TRIOBP: variants seen among roughly 807,000 people sequenced by gnomAD.
TRIOBP encodes TRIO and F-actin-binding protein.
TRIOBP carries 169 observed loss-of-function variants against 238.8 expected under a neutral mutation model. That is an observed-to-expected ratio of 0.71 (90% CI 0.62 to 0.80). The LOEUF is 0.80. Among genes scored for constraint, TRIOBP ranks in the 30% least tolerant of loss-of-function variants. The pLI is 0.00. For synonymous variants in TRIOBP, 1,150 were observed against 1,274.4 expected (o/e 0.90, Z 2.08); for missense variants, 2,838 against 3,122.6 (o/e 0.91, Z 2.17).
Position 37,769,016 on chromosome 22 carries a change from C to T in TRIOBP, c.6576-12C>T, listed in dbSNP as rs1926632515. 1.2e-6 allele frequency: 2 copies of T among 1,613,094 alleles called. No homozygotes were observed. The highest frequency in any genetic ancestry group is 2.2e-5 in the South Asian group (2 of 91,024). On this transcript the variant is annotated splice_polypyrimidine_tract_variant and intron_variant, in intron 19 of 23. Coordinates refer to ENST00000644935, the MANE Select transcript of TRIOBP (RefSeq NM_001039141.3). ...ACAACCTATGCTCTCCTCTGCTCCT[C>T]CTCTGGGGCAGGTCAGATGTGGAGG...
At chr22:37,698,865 G>A (rs879447598) in intron 2 of TRIOBP, among the ~76,000 whole-genome samples, 3 of 151,728 alleles carry the variant, frequency 2.0e-5, no homozygotes, top group Non-Finnish European at 4.4e-5. Flanking sequence ...AAGACATTAG[G>A]GGCCGGATGC....
chr22:37,717,363 G>A (rs982269704), intron 6 of TRIOBP, among the ~76,000 whole-genome samples: 3 of 152,220 alleles, frequency 2.0e-5, no homozygotes, highest in Non-Finnish European at 2.9e-5. Context: ...CAGCATGGAA[G>A]AGGACCCGAG....
intron 11 of TRIOBP, among the ~76,000 whole-genome samples, chr22:37,744,509 G>C (rs1212852620): frequency 2.0e-5 from 3 of 152,202 alleles, no homozygotes; most frequent in Admixed American, 2.0e-4. Context: ...ACTTTGAGCA[G>C]GGAAGTGGTC....
At chr22:37,715,739 CT>C in intron 5 of TRIOBP, 23 bp from the exon 6 acceptor site, 4 of 1,612,696 alleles carry the variant, frequency 2.5e-6, no homozygotes, top group Non-Finnish European at 3.4e-6. Flanking sequence ...CGCAAACATA[CT>C]TTCTCCTCCC....
intron 6 of TRIOBP, among the ~76,000 whole-genome samples, chr22:37,722,368 C>T (rs1052315228): frequency 4.1e-5 from 6 of 145,484 alleles, no homozygotes; most frequent in Admixed American, 7.1e-5. Flanking sequence ...GCTTAGGTTG[C>T]GGTGAGCCGA....
intron 8 of TRIOBP, among the ~76,000 whole-genome samples, chr22:37,733,944 G>T (rs1311962987): frequency 6.6e-6 from 1 of 152,232 alleles, no homozygotes; most frequent in African/African-American, 2.4e-5. Flanking sequence ...TGGGATTACA[G>T]GCGTGAACCA....
intron 2 of TRIOBP, among the ~76,000 whole-genome samples, chr22:37,698,761 G>T (rs1409738718): frequency 6.6e-6 from 1 of 152,026 alleles, no homozygotes; most frequent in African/African-American, 2.4e-5. Context: ...AGAATCATTT[G>T]AGCCCGGGAG....
intron 3 of TRIOBP, among the ~76,000 whole-genome samples, chr22:37,706,107 G>A (rs1212652422): frequency 6.6e-6 from 1 of 152,130 alleles, no homozygotes; most frequent in African/African-American, 2.4e-5. Flanking sequence ...AGGATTTGGG[G>A]GTGAGGGAGG....
rs764745163 is a variant in TRIOBP at position 37,771,715 on chromosome 22, C to T, written c.6915C>T (p.Asp2305=). 21 of 1,614,006 alleles carry T rather than the reference C, an allele frequency of 1.3e-5. No individual in the cohort carries two copies. The African/African-American group carries it at 2.4e-4, about 18-fold the overall frequency. The change falls in exon 22 of 24, where the codon GAC becomes GAT. Residue 2305 remains aspartate, a synonymous_variant. Coordinates refer to ENST00000644935, the MANE Select transcript of TRIOBP (RefSeq NM_001039141.3). ...AGAAGGAGGTGCAGTGCCTCCGGGA[C>T]GAGCTCCAGATGATGCAGAAGGTAG... ...YLKKEVQCLR[D]ELQMMQKDKR...
chr22:37,754,969 C>T lies in TRIOBP; in HGVS notation c.5472C>T (p.Asp1824=). ...ATTCAAGTCTCAAATATTACAGAGACTCCACTGCTGAGGAGGTGAGGCCAT... is the reference window on the plus strand; with the variant it reads ...ATTCAAGTCTCAAATATTACAGAGATTCCACTGCTGAGGAGGTGAGGCCAT... ...LTDSSLKYYR[D]STAEEADELD... Residue 1824 remains aspartate (D), a synonymous_variant, in exon 13 of 24, where the codon GAC becomes GAT. Transcript: ENST00000644935. The T allele has an allele frequency of 6.2e-7, 1 of 1,614,156 alleles. No individual in the cohort carries two copies. The highest frequency in any genetic ancestry group is 8.5e-7 in the Non-Finnish European group (1 of 1,180,026).
rs577083628 is a variant in TRIOBP at position 37,717,896 on chromosome 22, G to A, written c.628+1962G>A. Among the ~76,000 whole-genome samples, 602 of 152,344 alleles carry A rather than the reference G, an allele frequency of 4.0e-3. 3 individuals carry two copies. The highest frequency in any genetic ancestry group is 0.013 in the African/African-American group (561 of 41,572). On this transcript the variant is annotated intron_variant, in intron 6 of 23. Coordinates refer to ENST00000644935, the MANE Select transcript of TRIOBP (RefSeq NM_001039141.3). Reference sequence around the variant, plus strand: ...CTGGGCGCTGTGGAGCAGGGGCGGCGCTCATCGGGGAGGCTCGGGCTGCAC... The same window carrying A: ...CTGGGCGCTGTGGAGCAGGGGCGGCACTCATCGGGGAGGCTCGGGCTGCAC...
In TRIOBP at chr22:37,704,381, T is replaced by A. The variant is rs80096821; in HGVS notation, c.114+2902T>A. Among the ~76,000 whole-genome samples the A allele has an allele frequency of 4.6e-3, 639 of 137,756 alleles. 3 individuals carry two copies. The highest frequency in any genetic ancestry group is 0.014 in the African/African-American group (459 of 33,484). The allele number at this position is 137,756 out of a possible 152,430, so 90.4% of individuals were successfully genotyped here. ...CTGGGTGACAGAGTTGGACCCTGAC[T>A]CAGAACAGAACAGAACAGAACAGAA... On this transcript the variant is annotated intron_variant, in intron 3 of 23. Transcript: ENST00000644935.
chr22:37,725,631 A>AGCCTCTTCGCCCCCTCGC lies in TRIOBP; in HGVS notation c.3076_3093dup (p.Ala1026_Arg1031dup). 6.2e-7 allele frequency: 1 copy of AGCCTCTTCGCCCCCTCGC among 1,603,510 alleles called. No homozygotes were observed. The highest frequency in any genetic ancestry group is 1.1e-5 in the South Asian group (1 of 90,258). ...GCATTGGGCACCGGGATGCCCCTCG[A>AGCCTCTTCGCCCCCTCGC]GCCTCTTCGCCCCCTCGCTATTTGC... On this transcript the variant is annotated inframe_insertion, in exon 7 of 24. Coordinates refer to ENST00000644935, the MANE Select transcript of TRIOBP (RefSeq NM_001039141.3).
chr22:37,742,663 T>G (rs1315402037), intron 11 of TRIOBP, among the ~76,000 whole-genome samples: 1 of 152,110 alleles, frequency 6.6e-6, no homozygotes, highest in Non-Finnish European at 1.5e-5. Flanking sequence ...TGGGCAGGAA[T>G]TACCTTGTCT....
intron 12 of TRIOBP, among the ~76,000 whole-genome samples, chr22:37,753,273 T>G (rs1925719836): frequency 6.6e-6 from 1 of 151,934 alleles, no homozygotes; most frequent in Non-Finnish European, 1.5e-5. Context: ...TTGTTTTTTA[T>G]TTTTGTTTTT....
chr22:37,746,180 A>C (rs1051733642), intron 11 of TRIOBP: 2 of 993,300 alleles, frequency 2.0e-6, no homozygotes, highest in African/African-American at 2.0e-5. Context: ...CTTCCCCGCC[A>C]CCCATTGGCC....
intron 4 of TRIOBP, among the ~76,000 whole-genome samples, chr22:37,711,161 G>C (rs1350579816): frequency 6.6e-6 from 1 of 152,190 alleles, no homozygotes; most frequent in African/African-American, 2.4e-5. Flanking sequence ...TCTTGAGCAA[G>C]TTACTCTGTC....
intron 3 of TRIOBP, 21 bp downstream of exon 3, chr22:37,701,500 G>T: frequency 6.3e-7 from 1 of 1,578,700 alleles, no homozygotes; most frequent in Non-Finnish European, 8.7e-7. Flanking sequence ...TTTCCACGTG[G>T]TTGGGGTGGT....
rs1418270048 is a variant in TRIOBP, at chr22:37,751,778, C to G, written c.5329C>G (p.Leu1777Val). The G allele has an allele frequency of 6.8e-6, 11 of 1,614,176 alleles. No individual in the cohort carries two copies. The highest frequency in any genetic ancestry group is 8.5e-6 in the Non-Finnish European group (10 of 1,180,004). Residue 1777 changes from leucine to valine, a missense_variant, in exon 12 of 24, where the codon CTG becomes GTG. By Grantham distance (32) the Leu-to-Val change is conservative (BLOSUM62 1). Coordinates refer to ENST00000644935, the MANE Select transcript of TRIOBP (RefSeq NM_001039141.3). ...CCTCCTCATCTCCCCACAGCCCGAT[C>G]TGCTCAACTTCAAGAAGGGATGGAT... is the stretch of plus-strand genomic sequence containing the variant. ...LGVLRWRRPD[L>V]LNFKKGWMSI...
Sources: allele counts gnomAD v4.1 joint callset (sites outside exome capture counted in the v4.1 genomes callset), GRCh38; gene constraint gnomAD v4.1.1; transcripts MANE v1.5; gene names NCBI Gene and HGNC (gene_info 2026-07-23, HGNC 2026-07-21).